The following SLC1A1 variants were observed in gnomAD, a reference collection of about 807,000 sequenced individuals.
SLC1A1 encodes the protein excitatory amino acid transporter 3.
Under a neutral mutation model 53.3 loss-of-function variants are expected in SLC1A1, and 43 were observed. The observed-to-expected ratio is 0.81, with a 90% CI of 0.63 to 1.04. The LOEUF is 1.04. Ranked by LOEUF, SLC1A1 falls within the 50% of genes least tolerant of loss-of-function variation. SLC1A1 has a pLI of 0.00. For synonymous variants in SLC1A1, 307 were observed against 243.2 expected, an observed-to-expected ratio of 1.26 and a Z score of -2.44; for missense variants, 748 against 664.9, an observed-to-expected ratio of 1.12 and a Z score of -1.37.
At chr9:4,504,391 G>T (rs1820731405) in intron 1 of SLC1A1, among the ~76,000 whole-genome samples, 2 of 152,180 alleles carry the variant, frequency 1.3e-5, no homozygotes, top group Non-Finnish European at 2.9e-5. Flanking sequence ...TCTATGATAA[G>T]AAATTAATTA....
intron 1 of SLC1A1, among the ~76,000 whole-genome samples, chr9:4,505,629 C>T (rs1820779067): frequency 6.6e-6 from 1 of 152,042 alleles, no homozygotes; most frequent in South Asian, 2.1e-4. Context: ...TTTTTAATTA[C>T]TGTGAAATTC....
rs781431005 is a variant in SLC1A1, at chr9:4,567,775, T to C, written c.582+8T>C. ...ACAACTGCAATTTCCAAGGTACCAT[T>C]CTTATTTCCTGTTCCTCTTCCCCAG... On this transcript the variant is annotated splice_region_variant and intron_variant, in intron 6 of 11. Coordinates refer to ENST00000262352, the MANE Select transcript of SLC1A1 (RefSeq NM_004170.6). 3.6e-5 allele frequency: 55 copies of C among 1,537,278 alleles called. 1 individual carries two copies. Among genetic ancestry groups the C allele is most frequent in the Non-Finnish European group, 4.9e-5 (54 of 1,110,782 alleles).
At chr9:4,555,982 C>T (rs1818338657) in intron 2 of SLC1A1, among the ~76,000 whole-genome samples, 1 of 120,766 alleles carries the variant, frequency 8.3e-6, no homozygotes, top group African/African-American at 3.0e-5. Context: ...ATACAAAATA[C>T]TAGCCCTATT....
At position 4,574,164 on chromosome 9, in the gene SLC1A1, C is replaced by A. The variant is rs1484414356; in HGVS notation, c.875+150C>A. ...AGATAAGACAGCAGGGGGAGGAGGG[C>A]TGCCCTTTAACAGCTGTACTGTAGG... On this transcript the variant is annotated intron_variant, in intron 8 of 11. Transcript: ENST00000262352. 1.7e-5 allele frequency: 12 copies of A among 699,884 alleles called. No homozygotes were observed. The Admixed American group carries it at 2.2e-4, about 13-fold the overall frequency. The allele number at this position is 699,884 out of a possible 1,614,324, so 43.4% of individuals were successfully genotyped here.
Position 4,551,306 on chromosome 9 carries a change from C to T in SLC1A1, c.232+6599C>T, listed in dbSNP as rs768317916. ...TCCTCCTATGAAAAGAACCATGCCA[C>T]GTGCCTCCCCGAGACAAGGTTCAGT... On this transcript the variant is annotated intron_variant, in intron 2 of 11. Transcript: ENST00000262352. Among the ~76,000 whole-genome samples the T allele has an allele frequency of 2.0e-5, 3 of 152,164 alleles. No homozygotes were observed. The South Asian group carries it at 6.2e-4, about 32-fold the overall frequency.
chr9:4,552,671 G>A (rs1818032457), intron 2 of SLC1A1, among the ~76,000 whole-genome samples: 1 of 152,070 alleles, frequency 6.6e-6, no homozygotes, highest in Non-Finnish European at 1.5e-5. Flanking sequence ...CAGTGGTTAA[G>A]AGTACAGACA....
chr9:4,580,776 G>A (rs978570121), intron 10 of SLC1A1, among the ~76,000 whole-genome samples: 1 of 152,058 alleles, frequency 6.6e-6, no homozygotes, highest in Non-Finnish European at 1.5e-5. Context: ...TTTGGTTGCT[G>A]CAGTAGCAGT....
chr9:4,546,859 C>T (rs571753695), intron 2 of SLC1A1, among the ~76,000 whole-genome samples: 12 of 152,230 alleles, frequency 7.9e-5, no homozygotes, highest in South Asian at 2.1e-4. Context: ...GACTTCCTTT[C>T]GAGAAAAATC....
chr9:4,526,366 G>A (rs1321677466), intron 1 of SLC1A1, among the ~76,000 whole-genome samples: 1 of 152,062 alleles, frequency 6.6e-6, no homozygotes, highest in African/African-American at 2.4e-5. Flanking sequence ...AAACACAAAA[G>A]AATTTCAAAA....
chr9:4,545,189 G>GTCTCTCTCTCTCTCTCTCTCTC (rs6150901), intron 2 of SLC1A1, among the ~76,000 whole-genome samples: 4,694 of 130,736 alleles, frequency 0.036, 205 homozygotes, highest in Middle Eastern at 0.05. Context: ...TACATTAGAT[G>GTCTCTCTCTCTCTCTCTCTCTC]TCTCTCTCTC....
intron 1 of SLC1A1, among the ~76,000 whole-genome samples, chr9:4,538,682 A>G (rs1404269554): frequency 6.6e-6 from 1 of 152,232 alleles, no homozygotes; most frequent in Non-Finnish European, 1.5e-5. Flanking sequence ...ATTTGAAAAT[A>G]AAAAATAAAA....
In SLC1A1 at chr9:4,576,614, C is replaced by T; in HGVS notation, c.1044C>T (p.Asn348=). The T allele has an allele frequency of 6.2e-7, 1 of 1,614,154 alleles. No homozygotes were observed. Among genetic ancestry groups the T allele is most frequent in the South Asian group, 1.1e-5 (1 of 91,080 alleles). ...CCTTCCGCTGTGCTGAAGAAAATAA[C>T]CAGGTGGACAAGAGGATCACTCGAT... ...PVTFRCAEEN[N]QVDKRITRFV... The change falls in exon 10 of 12, where the codon AAC becomes AAT. Residue 348 remains asparagine (N), a synonymous_variant. Transcript: ENST00000262352.
At chr9:4,495,254 C>T (rs10814991) in intron 1 of SLC1A1, among the ~76,000 whole-genome samples, 49,795 of 152,116 alleles carry the variant, frequency 0.33, 9,512 homozygotes, top group East Asian at 0.5. Flanking sequence ...AACCTTGGCT[C>T]AGCAGTGTTT....
chr9:4,577,626 C>T (rs1820679877), intron 10 of SLC1A1, among the ~76,000 whole-genome samples: 1 of 152,108 alleles, frequency 6.6e-6, no homozygotes, highest in Middle Eastern at 3.2e-3. Flanking sequence ...CAGGCGTGCA[C>T]CACCACACCT....
rs1426592585 is a variant in SLC1A1, at chr9:4,586,035, G to T, written c.*477G>T. ...TCTAAACCACCTGTCCCCAGTTAAT[G>T]TGCCAAAATGTCAATTTTTAACTTA... On this transcript the variant is annotated 3_prime_UTR_variant, in exon 12 of 12. Transcript: ENST00000262352. 5.7e-6 allele frequency: 1 copy of T among 174,042 alleles called. No individual in the cohort carries two copies. The highest frequency in any genetic ancestry group is 1.2e-5 in the Non-Finnish European group (1 of 81,180). 10.8% of individuals were successfully genotyped at this position (174,042 alleles called of 1,614,324 possible). A position where few individuals can be genotyped will look rare whatever the true frequency, so the allele number is the denominator to read the frequency against.
intron 1 of SLC1A1, among the ~76,000 whole-genome samples, chr9:4,519,322 T>C (rs1432406379): frequency 6.6e-6 from 1 of 152,248 alleles, no homozygotes; most frequent in Non-Finnish European, 1.5e-5. Flanking sequence ...GTTTCCTATG[T>C]ACATTTTCTC....
At chr9:4,576,876 C>A in intron 10 of SLC1A1, 113 bp downstream of exon 10, 1 of 988,756 alleles carries the variant, frequency 1.0e-6, no homozygotes, top group Non-Finnish European at 1.6e-6. Context: ...TTTTCTTGAT[C>A]TATAAAGTCC....
chr9:4,526,805 G>A (rs1816278016), intron 1 of SLC1A1, among the ~76,000 whole-genome samples: 1 of 151,612 alleles, frequency 6.6e-6, no homozygotes, highest in Admixed American at 6.6e-5. Context: ...AATAGTTGTA[G>A]TAGGCAGTTC....
At chr9:4,491,067 G>T (rs1255360596) in intron 1 of SLC1A1, among the ~76,000 whole-genome samples, 2 of 152,226 alleles carry the variant, frequency 1.3e-5, no homozygotes, top group Non-Finnish European at 2.9e-5. Flanking sequence ...GTAGCTCTTG[G>T]TTCTGCTCGT....
Sources: allele counts gnomAD v4.1 joint callset (sites outside exome capture counted in the v4.1 genomes callset), GRCh38; gene constraint gnomAD v4.1.1; transcripts MANE v1.5; gene names NCBI Gene and HGNC (gene_info 2026-07-23, HGNC 2026-07-21).